The following PEMT variants were observed in gnomAD, a reference collection of about 807,000 sequenced individuals.
PEMT encodes phospholipid methyltransferase.
A neutral mutation model predicts 27.4 loss-of-function variants in PEMT; 23 were observed. That is an observed-to-expected ratio of 0.84 (90% CI 0.60 to 1.19). The LOEUF is 1.19. PEMT is among the 50% of genes most tolerant of loss of function. The pLI, the probability that PEMT is intolerant of heterozygous loss-of-function variation, is 0.00. For synonymous variants in PEMT, 137 were observed against 139.1 expected, an observed-to-expected ratio of 0.98 and a Z score of 0.11; for missense variants, 307 against 310.1, an observed-to-expected ratio of 0.99 and a Z score of 0.07.
At chr17:17,572,193 C>T (rs1317541513) in intron 2 of PEMT, among the ~76,000 whole-genome samples, 3 of 152,266 alleles carry the variant, frequency 2.0e-5, no homozygotes, top group Non-Finnish European at 4.4e-5. Flanking sequence ...CCCACCTCCG[C>T]CAGTCCCACT....
At chr17:17,555,670 A>T (rs1467703951) in intron 2 of PEMT, among the ~76,000 whole-genome samples, 1 of 152,192 alleles carries the variant, frequency 6.6e-6, no homozygotes, top group Non-Finnish European at 1.5e-5. Context: ...ATTTGGTCAC[A>T]TCGGCTCTGA....
chr17:17,592,012 G>C (rs1294219073), upstream of PEMT: 2 of 985,356 alleles, frequency 2.0e-6, no homozygotes, highest in Non-Finnish European at 2.4e-6. Flanking sequence ...TAGAGGCCGG[G>C]GGCCGCGGGT....
intron 2 of PEMT, among the ~76,000 whole-genome samples, chr17:17,563,193 G>A (rs972467829): frequency 1.3e-5 from 2 of 152,066 alleles, no homozygotes; most frequent in East Asian, 3.9e-4. Context: ...TGAGGCCCTC[G>A]GAGAGAAGCA....
chr17:17,549,818 G>A (rs538607499), intron 2 of PEMT, among the ~76,000 whole-genome samples: 3 of 152,336 alleles, frequency 2.0e-5, no homozygotes, highest in Admixed American at 2.0e-4. Flanking sequence ...GTCTGGGGCT[G>A]CCACAGCTTT....
At position 17,513,781 on chromosome 17, in the gene PEMT, C is replaced by T. The variant is rs970464366; in HGVS notation, c.321-1127G>A. ...AGCGGGCGCTGGTGGGAAGGGGGCCCTGGGTGCTAGATGAGAGGCACACTC... is the reference window on the plus strand; with the variant it reads ...AGCGGGCGCTGGTGGGAAGGGGGCCTTGGGTGCTAGATGAGAGGCACACTC... On this transcript the variant is annotated intron_variant, in intron 3 of 6. Transcript: ENST00000255389. This position sits in a 1 kb window ranked among gnomAD's most constrained non-coding sequence, Gnocchi z 4.1. Among the ~76,000 whole-genome samples, 5 of 152,112 alleles carry T rather than the reference C, an allele frequency of 3.3e-5. No individual in the cohort carries two copies. Among genetic ancestry groups the T allele is most frequent in the Admixed American group, 2.6e-4 (4 of 15,286 alleles).
chr17:17,527,852 C>T (rs977646037), intron 2 of PEMT, among the ~76,000 whole-genome samples: 2 of 152,234 alleles, frequency 1.3e-5, no homozygotes, highest in African/African-American at 4.8e-5. Flanking sequence ...CTCCCCTCTG[C>T]GGCCAGCCCT....
intron 2 of PEMT, among the ~76,000 whole-genome samples, chr17:17,571,633 GGCCT>G (rs1053009902): frequency 3.7e-4 from 57 of 152,224 alleles, no homozygotes; most frequent in African/African-American, 1.1e-3. Context: ...GCACACAGTG[GGCCT>G]GGGGCCAAGG....
At chr17:17,580,087 G>C (rs1911887498) in intron 1 of PEMT, among the ~76,000 whole-genome samples, 1 of 152,198 alleles carries the variant, frequency 6.6e-6, no homozygotes, top group Admixed American at 6.5e-5. Context: ...CCTGAAGGGA[G>C]GGGAAGGGAG....
At chr17:17,562,626 T>A (rs1379709556) in intron 2 of PEMT, among the ~76,000 whole-genome samples, 7 of 152,160 alleles carry the variant, frequency 4.6e-5, no homozygotes, top group Non-Finnish European at 1.0e-4. Flanking sequence ...CTGGCCAACA[T>A]GGTGAAACCT....
intron 2 of PEMT, among the ~76,000 whole-genome samples, chr17:17,525,238 C>CTAAATGAGCTTTCAGAACA (rs1237579039): frequency 2.0e-5 from 3 of 152,196 alleles, no homozygotes; most frequent in Non-Finnish European, 4.4e-5. Context: ...AGAGCTGATG[C>CTAAATGAGCTTTCAGAACA]TAAATGAGCT....
intron 5 of PEMT, chr17:17,507,856 GC>G (rs1284412857): frequency 6.5e-6 from 1 of 152,870 alleles, no homozygotes; most frequent in East Asian, 1.9e-4. Flanking sequence ...GACCATTGAT[GC>G]CATCTCTCAG....
At chr17:17,510,112 C>A (rs1906252673) in intron 4 of PEMT, among the ~76,000 whole-genome samples, 1 of 152,170 alleles carries the variant, frequency 6.6e-6, no homozygotes, top group Non-Finnish European at 1.5e-5. Context: ...TCTGGGAGGT[C>A]AGCTCTGGTA....
At chr17:17,546,974 C>T (rs1463330986) in intron 2 of PEMT, among the ~76,000 whole-genome samples, 7 of 152,234 alleles carry the variant, frequency 4.6e-5, no homozygotes, top group South Asian at 2.1e-4. Flanking sequence ...AGCTGCCCAT[C>T]GTCAGAAGAG....
At chr17:17,516,193 CG>C (rs1248217936) in intron 3 of PEMT, among the ~76,000 whole-genome samples, 10 of 152,230 alleles carry the variant, frequency 6.6e-5, no homozygotes, top group Admixed American at 5.2e-4. Flanking sequence ...TGGAGTGACT[CG>C]CTCTTTCCAC....
At chr17:17,522,889 CGCAAA>C (rs774164618) in intron 2 of PEMT, among the ~76,000 whole-genome samples, 4 of 152,276 alleles carry the variant, frequency 2.6e-5, no homozygotes, top group Non-Finnish European at 4.4e-5. Flanking sequence ...CCATCACAGG[CGCAAA>C]GCAAAGCAAA....
intron 3 of PEMT, among the ~76,000 whole-genome samples, chr17:17,516,950 T>G (rs1233291107): frequency 6.6e-6 from 1 of 151,972 alleles, no homozygotes; most frequent in Non-Finnish European, 1.5e-5. Flanking sequence ...AGAATTCAGG[T>G]CCTAATCAGC....
rs113679335 is a variant in PEMT, at chr17:17,582,403, G to A, written c.97-5376C>T. 1.0e-6 allele frequency: 1 copy of A among 985,460 alleles called. No individual in the cohort carries two copies. The highest frequency in any genetic ancestry group is 1.1e-4 in the East Asian group (1 of 8,814). The allele number at this position is 985,460 out of a possible 1,614,324, so 61.0% of individuals were successfully genotyped here. A position where few individuals can be genotyped will look rare whatever the true frequency, so the allele number is the denominator to read the frequency against. ...TAATTTACTCCATTGAGGGGTGCAG[G>A]GTTCTCGGGAGCAGCGCTCTGTGGT... On this transcript the variant is annotated intron_variant, in intron 1 of 6. Coordinates refer to ENST00000255389, the MANE Select transcript of PEMT (RefSeq NM_148172.3). The surrounding 1 kb of genome is among the most constrained non-coding windows in gnomAD (Gnocchi z 4.9).
intron 3 of PEMT, among the ~76,000 whole-genome samples, chr17:17,516,966 T>C (rs554256377): frequency 5.4e-4 from 83 of 152,322 alleles, no homozygotes; most frequent in African/African-American, 1.9e-3. Flanking sequence ...TCAGCTGGCC[T>C]TGAGTTAATC....
Position 17,531,621 on chromosome 17 carries a change from C to CAAAA in PEMT, c.205-9230_205-9227dup, listed in dbSNP as rs58165466. Among the ~76,000 whole-genome samples, 126 of 62,380 alleles carry CAAAA rather than the reference C, an allele frequency of 2.0e-3. 1 individual carries two copies. Among genetic ancestry groups the CAAAA allele is most frequent in the Non-Finnish European group, 2.6e-3 (90 of 34,686 alleles). The allele number at this position is 62,380 out of a possible 152,430, so 40.9% of individuals were successfully genotyped here. Reference sequence around the variant, plus strand: ...CACTGGAACAATTGGCTATCATATGCAAAAAAAAAAAAAAAAAAAAAAAAA... The same window carrying CAAAA: ...CACTGGAACAATTGGCTATCATATGCAAAAAAAAAAAAAAAAAAAAAAAAAAAAA... On this transcript the variant is annotated intron_variant, in intron 2 of 6. Transcript: ENST00000255389.
Sources: gnomAD v4.1 joint callset for allele counts (sites outside exome capture counted in the v4.1 genomes callset) on GRCh38, gnomAD v4.1.1 for gene constraint, Gnocchi (gnomAD v3.1) non-coding constraint, MANE v1.5 for transcripts, NCBI Gene and HGNC (gene_info 2026-07-23, HGNC 2026-07-21) for gene names.